Variants in RGP1 observed in about 807,000 individuals in gnomAD.
RGP1 encodes the protein RAB6A-GEF complex partner protein 2.
Under a neutral mutation model 44.5 loss-of-function variants are expected in RGP1, and 28 were observed. The ratio of observed to expected loss-of-function variants is 0.63; its 90% confidence interval spans 0.47 to 0.86. RGP1 has a LOEUF of 0.86. RGP1 is among the 40% of genes least tolerant of loss of function. The probability of loss-of-function intolerance (pLI) is 0.00; values close to 1 mark genes in which losing one functional copy is unlikely to be tolerated. For missense variants in RGP1, 417 were observed against 490.7 expected, an observed-to-expected ratio of 0.85 and a Z score of 1.42; for synonymous variants, 212 against 196.7, an observed-to-expected ratio of 1.08 and a Z score of -0.65.
chr9:35,764,370 TG>T, the RGP1 span, among the ~76,000 whole-genome samples: 4 of 152,368 alleles, frequency 2.6e-5, no homozygotes, highest in South Asian at 2.1e-4. Flanking sequence ...TCTTCCGGTA[TG>T]TTTCAGAAGG....
chr9:35,788,050 C>T, the RGP1 span, among the ~76,000 whole-genome samples: 1 of 152,186 alleles, frequency 6.6e-6, no homozygotes, highest in Non-Finnish European at 1.5e-5. Context: ...TGTTATAAAA[C>T]GTTTAATGCT....
In RGP1 at chr9:35,750,357, G is replaced by A. The variant is rs777403498; in HGVS notation, c.231G>A (p.Gln77=). 2.7e-5 allele frequency: 43 copies of A among 1,613,896 alleles called. No homozygotes were observed. The highest frequency in any genetic ancestry group is 3.5e-5 in the Non-Finnish European group (41 of 1,179,896). Residue 77 remains glutamine, a synonymous_variant, in exon 3 of 9, where the codon CAG becomes CAA. Coordinates refer to ENST00000378078, the MANE Select transcript of RGP1 (RefSeq NM_001080496.3). ...AGCCAGATGTCCAGCCCGACAGCCAGACTGTCTTTCTGCCACACCGAGGTT... is the reference window on the plus strand; with the variant it reads ...AGCCAGATGTCCAGCCCGACAGCCAAACTGTCTTTCTGCCACACCGAGGTT... ...SSQPDVQPDS[Q]TVFLPHRGER... is the part of the protein sequence containing the mutation.
chr9:35,781,042 A>G, the RGP1 span, among the ~76,000 whole-genome samples: 4 of 152,284 alleles, frequency 2.6e-5, no homozygotes, highest in East Asian at 7.7e-4. Context: ...TGGAATACAC[A>G]ATCTAATGGG....
At chr9:35,770,159 T>A in the RGP1 span, among the ~76,000 whole-genome samples, 1 of 152,158 alleles carries the variant, frequency 6.6e-6, no homozygotes, top group African/African-American at 2.4e-5. Flanking sequence ...AAGATAGATT[T>A]GGGGCATATT....
chr9:35,770,837 T>C, the RGP1 span, among the ~76,000 whole-genome samples: 1 of 152,188 alleles, frequency 6.6e-6, no homozygotes, highest in African/African-American at 2.4e-5. Flanking sequence ...AGCATCTCCC[T>C]AATAAATAGA....
the RGP1 span, among the ~76,000 whole-genome samples, chr9:35,776,574 A>G: frequency 6.6e-6 from 1 of 151,938 alleles, no homozygotes. Flanking sequence ...GGCATGAGCA[A>G]CCGCATCTGG....
chr9:35,764,032 C>A, the RGP1 span, among the ~76,000 whole-genome samples: 1 of 151,232 alleles, frequency 6.6e-6, no homozygotes, highest in African/African-American at 2.4e-5. Flanking sequence ...GGTGGGAGGA[C>A]GGCTTGAGGC....
the RGP1 span, among the ~76,000 whole-genome samples, chr9:35,770,349 T>C: frequency 1.3e-5 from 2 of 152,122 alleles, no homozygotes; most frequent in African/African-American, 4.8e-5. Flanking sequence ...GGATGTTGAG[T>C]TCAAAGTTCT....
At chr9:35,786,230 G>A in the RGP1 span, among the ~76,000 whole-genome samples, 1 of 152,186 alleles carries the variant, frequency 6.6e-6, no homozygotes, top group Non-Finnish European at 1.5e-5. Context: ...GGACTTAAAA[G>A]GCAAGGGGAC....
At chr9:35,773,398 G>GAAAGA in the RGP1 span, among the ~76,000 whole-genome samples, 2,485 of 151,730 alleles carry the variant, frequency 0.016, 61 homozygotes, top group African/African-American at 0.057. Flanking sequence ...TAAGTAAAAA[G>GAAAGA]AAAGAAAAGA....
the RGP1 span, among the ~76,000 whole-genome samples, chr9:35,786,951 T>C: frequency 6.6e-6 from 1 of 150,506 alleles, no homozygotes; most frequent in Non-Finnish European, 1.5e-5. Context: ...AAAAAAAAAA[T>C]TAGCCGGGCG....
chr9:35,781,430 A>AG, the RGP1 span, among the ~76,000 whole-genome samples: 1 of 6,896 alleles, frequency 1.5e-4, no homozygotes. Flanking sequence ...GGCAGGCAGG[A>AG]GGGGGTGGAG....
intron 8 of RGP1, 129 bp from the exon 9 acceptor site, chr9:35,752,522 C>G (rs1311418773): frequency 3.6e-6 from 3 of 831,118 alleles, no homozygotes; most frequent in African/African-American, 1.7e-5. Context: ...TCACAGCTCC[C>G]TGCCCTGTGA....
At chr9:35,768,351 T>C in the RGP1 span, among the ~76,000 whole-genome samples, 1 of 152,156 alleles carries the variant, frequency 6.6e-6, no homozygotes, top group Non-Finnish European at 1.5e-5. Context: ...TGTGAGCCAC[T>C]GTGCCTGGCC....
At chr9:35,760,032 G>A (rs77991936), downstream of RGP1, among the ~76,000 whole-genome samples, 279 of 151,698 alleles carry the variant, frequency 1.8e-3, 7 homozygotes, top group East Asian at 0.048. Flanking sequence ...GTCACTCAGC[G>A]CCTCAGCCTC....
chr9:35,749,448 T>C lies in RGP1; in HGVS notation c.-20+40T>C, dbSNP rs373855432. On this transcript the variant is annotated intron_variant, in intron 1 of 8. Transcript: ENST00000378078. The surrounding 1 kb of genome is among the most constrained non-coding windows in gnomAD (Gnocchi z 4.4). Reference sequence around the variant, plus strand: ...TGATCTTGGGCTGGGACGTGGAACTTTGAGGAAAGGGGGAGCGGAGGCCAG... The same window carrying C: ...TGATCTTGGGCTGGGACGTGGAACTCTGAGGAAAGGGGGAGCGGAGGCCAG... The C allele has an allele frequency of 1.3e-4, 78 of 601,724 alleles. No individual in the cohort carries two copies. The highest frequency in any genetic ancestry group is 2.1e-4 in the Non-Finnish European group (63 of 304,622). 37.3% of individuals were successfully genotyped at this position (601,724 alleles called of 1,614,324 possible). A position where few individuals can be genotyped will look rare whatever the true frequency, so the allele number is the denominator to read the frequency against.
At chr9:35,751,237 C>A in intron 5 of RGP1, 29 bp from the exon 6 acceptor site, 1 of 1,612,464 alleles carries the variant, frequency 6.2e-7, no homozygotes, top group South Asian at 1.1e-5. Flanking sequence ...TCCCTCTCAG[C>A]ATTACCTCTC....
the RGP1 span, among the ~76,000 whole-genome samples, chr9:35,768,814 G>A: frequency 2.0e-5 from 3 of 152,150 alleles, no homozygotes; most frequent in Admixed American, 2.0e-4. Flanking sequence ...GCAGGAGAGG[G>A]GTTGCTATCT....
the RGP1 span, among the ~76,000 whole-genome samples, chr9:35,788,099 A>G: frequency 6.6e-6 from 1 of 152,234 alleles, no homozygotes; most frequent in Non-Finnish European, 1.5e-5. Flanking sequence ...GAAAATTAGC[A>G]TGAGCCCGAA....
Sources: allele counts gnomAD v4.1 joint callset (sites outside exome capture counted in the v4.1 genomes callset), GRCh38; gene constraint gnomAD v4.1.1; non-coding constraint Gnocchi (gnomAD v3.1); transcripts MANE v1.5; gene names NCBI Gene and HGNC (gene_info 2026-07-23, HGNC 2026-07-21).